The following TAFA4 variants were observed in gnomAD, a reference collection of about 807,000 sequenced individuals.
The protein encoded by TAFA4 is chemokine-like protein TAFA-4.
TAFA4 carries 20 observed loss-of-function variants against 21.1 expected under a neutral mutation model. That is an observed-to-expected ratio of 0.95 (90% CI 0.67 to 1.38). TAFA4 has a LOEUF of 1.38. Among genes scored for constraint, TAFA4 ranks in the 40% most tolerant of loss-of-function variants. The probability of loss-of-function intolerance (pLI) is 0.00; values close to 1 mark genes in which losing one functional copy is unlikely to be tolerated. For synonymous variants in TAFA4, 71 were observed against 67.4 expected, an observed-to-expected ratio of 1.05 and a Z score of -0.26; for missense variants, 211 against 180.9, an observed-to-expected ratio of 1.17 and a Z score of -0.95.
chr3:68,779,577 A>T (rs1703115898), intron 3 of TAFA4, among the ~76,000 whole-genome samples: 1 of 152,216 alleles, frequency 6.6e-6, no homozygotes, highest in Non-Finnish European at 1.5e-5. Context: ...GCCAAAGTAC[A>T]GCTGGGCTGT....
In TAFA4 at chr3:68,885,325, C is replaced by G; in HGVS notation, c.-122-15G>C. The G allele has an allele frequency of 3.3e-6, 2 of 600,834 alleles. No individual in the cohort carries two copies. The highest frequency in any genetic ancestry group is 2.8e-6 in the Non-Finnish European group (1 of 362,966). 37.2% of individuals were successfully genotyped at this position (600,834 alleles called of 1,614,324 possible). ...GCTCAGAAGACCTATGTTAAAAAGG[C>G]CAAAAAAAAAAAAGGAATCAATTAG... On this transcript the variant is annotated splice_polypyrimidine_tract_variant and intron_variant, in intron 1 of 5. Coordinates refer to ENST00000295569, the MANE Select transcript of TAFA4 (RefSeq NM_182522.5).
intron 1 of TAFA4, among the ~76,000 whole-genome samples, chr3:68,929,107 A>G (rs2090136675): frequency 6.6e-6 from 1 of 152,116 alleles, no homozygotes; most frequent in Admixed American, 6.5e-5. Context: ...GTCAAGGTCA[A>G]TTTTATCTTT....
Position 68,808,131 on chromosome 3 carries a change from TAGAAA to T in TAFA4, c.131-55118_131-55114del, listed in dbSNP as rs915465117. 3.9e-5 allele frequency among the ~76,000 whole-genome samples: 6 copies of T among 152,008 alleles called. No homozygotes were observed. The East Asian group carries it at 5.8e-4, about 15-fold the overall frequency. On this transcript the variant is annotated intron_variant, in intron 3 of 5. Coordinates refer to ENST00000295569, the MANE Select transcript of TAFA4 (RefSeq NM_182522.5). Reference sequence around the variant, plus strand: ...TTGATGAAGTTGAAAATCACTAAGATAGAAAAGAAAAGAAAGGGGTTAAGTTACTA... The same window carrying T: ...TTGATGAAGTTGAAAATCACTAAGATAGAAAAGAAAGGGGTTAAGTTACTA...
At chr3:68,811,968 C>T (rs1006288977) in intron 3 of TAFA4, among the ~76,000 whole-genome samples, 16 of 152,156 alleles carry the variant, frequency 1.1e-4, no homozygotes, top group African/African-American at 3.6e-4. Context: ...AGACTAACAG[C>T]GGATCTCTCA....
At chr3:68,795,766 C>T (rs1419593747) in intron 3 of TAFA4, among the ~76,000 whole-genome samples, 1 of 152,124 alleles carries the variant, frequency 6.6e-6, no homozygotes, top group Non-Finnish European at 1.5e-5. Flanking sequence ...TTGGTGCTTG[C>T]GGATGTTCGT....
At chr3:68,916,406 C>T (rs987871281) in intron 1 of TAFA4, among the ~76,000 whole-genome samples, 15 of 152,160 alleles carry the variant, frequency 9.9e-5, no homozygotes, top group Non-Finnish European at 1.6e-4. Flanking sequence ...TATCTGTCTT[C>T]GTAGTATCCA....
intron 3 of TAFA4, among the ~76,000 whole-genome samples, chr3:68,777,858 T>C (rs1179040974): frequency 6.6e-6 from 1 of 152,182 alleles, no homozygotes; most frequent in Non-Finnish European, 1.5e-5. Context: ...TACCATAACA[T>C]GCTGTCCAGG....
At chr3:68,821,863 G>A (rs1480816831) in intron 3 of TAFA4, among the ~76,000 whole-genome samples, 1 of 152,206 alleles carries the variant, frequency 6.6e-6, no homozygotes, top group East Asian at 1.9e-4. Flanking sequence ...TAAGTAACTA[G>A]CAGCTCTCTG....
At chr3:68,860,066 A>C (rs2089313603) in intron 3 of TAFA4, among the ~76,000 whole-genome samples, 1 of 152,094 alleles carries the variant, frequency 6.6e-6, no homozygotes, top group Admixed American at 6.6e-5. Flanking sequence ...TTTTAACCTA[A>C]GATATTGTTA....
intron 3 of TAFA4, among the ~76,000 whole-genome samples, chr3:68,845,998 G>T (rs1704781745): frequency 6.6e-6 from 1 of 152,094 alleles, no homozygotes; most frequent in Non-Finnish European, 1.5e-5. Context: ...GTGTCTTGGG[G>T]TTGGTCGTCT....
At chr3:68,857,057 T>TG in intron 3 of TAFA4, among the ~76,000 whole-genome samples, 1 of 152,146 alleles carries the variant, frequency 6.6e-6, no homozygotes, top group Non-Finnish European at 1.5e-5. Flanking sequence ...AAAATAATAA[T>TG]TACTATTAAA....
At chr3:68,766,108 A>T (rs1702849703) in intron 3 of TAFA4, among the ~76,000 whole-genome samples, 1 of 152,176 alleles carries the variant, frequency 6.6e-6, no homozygotes, top group Admixed American at 6.5e-5. Flanking sequence ...AAGCACCTAA[A>T]CATACCAATA....
chr3:68,804,616 T>C (rs1178617207), intron 3 of TAFA4, among the ~76,000 whole-genome samples: 1 of 152,118 alleles, frequency 6.6e-6, no homozygotes, highest in East Asian at 1.9e-4. Context: ...TATAGATCAA[T>C]GGAAGAGAAC....
chr3:68,822,156 T>A (rs564369566), intron 3 of TAFA4, among the ~76,000 whole-genome samples: 1 of 152,066 alleles, frequency 6.6e-6, no homozygotes, highest in Non-Finnish European at 1.5e-5. Context: ...TTAAAAAAAA[T>A]GTAACCCAAA....
intron 3 of TAFA4, among the ~76,000 whole-genome samples, chr3:68,822,371 T>A (rs1704132000): frequency 6.6e-6 from 1 of 152,216 alleles, no homozygotes; most frequent in Admixed American, 6.5e-5. Context: ...CAGCACAATC[T>A]ACTTGGCCTT....
At chr3:68,863,337 A>G (rs2089375256) in intron 3 of TAFA4, among the ~76,000 whole-genome samples, 1 of 152,158 alleles carries the variant, frequency 6.6e-6, no homozygotes, top group African/African-American at 2.4e-5. Context: ...AAAATGCATA[A>G]ATGATACACC....
At chr3:68,747,891 C>T (rs1702488457) in intron 4 of TAFA4, among the ~76,000 whole-genome samples, 1 of 152,154 alleles carries the variant, frequency 6.6e-6, no homozygotes, top group South Asian at 2.1e-4. Flanking sequence ...ATCAAGGGTC[C>T]TTTTACCTTT....
At chr3:68,742,697 C>T (rs1342086481) in intron 4 of TAFA4, among the ~76,000 whole-genome samples, 26 of 152,178 alleles carry the variant, frequency 1.7e-4, no homozygotes, top group Admixed American at 1.7e-3. Context: ...TAGAAAACCA[C>T]TTGTTCCCCA....
chr3:68,842,571 GCTTTTGTTGC>G (rs1339967962), intron 3 of TAFA4, among the ~76,000 whole-genome samples: 9 of 152,032 alleles, frequency 5.9e-5, no homozygotes, highest in Non-Finnish European at 8.8e-5. Context: ...GTCAATTTTG[GCTTTTGTTGC>G]CATTGCTTTT....
Sources: allele counts gnomAD v4.1 joint callset (sites outside exome capture counted in the v4.1 genomes callset), GRCh38; gene constraint gnomAD v4.1.1; transcripts MANE v1.5; gene names NCBI Gene and HGNC (gene_info 2026-07-23, HGNC 2026-07-21).